SCN9A: variants seen among roughly 807,000 people sequenced by gnomAD.
SCN9A encodes sodium voltage-gated channel alpha subunit 9, also known as sodium channel protein type 9 subunit alpha.
In SCN9A, 131 loss-of-function variants were observed where a neutral mutation model predicts 187.0. The observed-to-expected ratio is 0.70, with a 90% CI of 0.61 to 0.81. SCN9A has a LOEUF of 0.81. Ranked by LOEUF, SCN9A falls within the 30% of genes least tolerant of loss-of-function variation. SCN9A has a pLI of 0.00. For synonymous variants in SCN9A, 809 were observed against 808.6 expected, an observed-to-expected ratio of 1.00 and a Z score of -0.01; for missense variants, 2,252 against 2,396.6, an observed-to-expected ratio of 0.94 and a Z score of 1.26.
chr2:166,203,296 T>C (rs1693632496), intron 26 of SCN9A, among the ~76,000 whole-genome samples: 1 of 151,746 alleles, frequency 6.6e-6, no homozygotes, highest in African/African-American at 2.4e-5. Context: ...TAAAAAGAAA[T>C]ACAATCCTAA....
intron 1 of SCN9A, among the ~76,000 whole-genome samples, chr2:166,318,563 G>A (rs920893432): frequency 2.0e-5 from 3 of 149,270 alleles, no homozygotes; most frequent in Non-Finnish European, 4.4e-5. Flanking sequence ...AGGAGACAGA[G>A]TATCTTTTAT....
chr2:166,226,504 A>T, intron 24 of SCN9A, 63 bp downstream of exon 24: 1 of 1,169,332 alleles, frequency 8.6e-7, no homozygotes. Context: ...ACTTTACATT[A>T]TCTTTTTTGG....
chr2:166,305,756 A>G (rs867988125), intron 5 of SCN9A, 36 bp downstream of exon 5: 19 of 1,612,908 alleles, frequency 1.2e-5, no homozygotes, highest in Non-Finnish European at 1.6e-5. Flanking sequence ...TGAGATTTTC[A>G]TAAATTTGCC....
intron 1 of SCN9A, among the ~76,000 whole-genome samples, chr2:166,323,900 G>C (rs2105251166): frequency 6.6e-6 from 1 of 151,440 alleles, no homozygotes; most frequent in Admixed American, 6.6e-5. Context: ...ATCTCTTGTA[G>C]AAAGCAAGTA....
rs182445511 is a variant in SCN9A at position 166,216,413 on chromosome 2, C to T, written c.4398+10154G>A. Among the ~76,000 whole-genome samples, 5 of 152,080 alleles carry T rather than the reference C, an allele frequency of 3.3e-5. No homozygotes were observed. In the East Asian group the frequency reaches 9.6e-4, roughly 29 times the overall value. ...TTAGGCAGGAAAAAGAAATAAAATA[C>T]ATCCATGTAAGAAAGCAAGAAATAA... On this transcript the variant is annotated intron_variant, in intron 24 of 26. Transcript: ENST00000642356.
At chr2:166,303,669 G>T (rs1156637691) in intron 6 of SCN9A, among the ~76,000 whole-genome samples, 1 of 152,044 alleles carries the variant, frequency 6.6e-6, no homozygotes, top group Non-Finnish European at 1.5e-5. Flanking sequence ...TTTCAATAAA[G>T]AAATGGTTTG....
In SCN9A at chr2:166,251,818, T is replaced by G; in HGVS notation, c.3419A>C (p.Glu1140Ala). 1.9e-6 allele frequency: 3 copies of G among 1,612,714 alleles called. No individual in the cohort carries two copies. The highest frequency in any genetic ancestry group is 2.5e-6 in the Non-Finnish European group (3 of 1,179,140). Residue 1140 changes from glutamate to alanine, a missense_variant, in exon 18 of 27, where the codon GAA becomes GCA. Glu to Ala is a moderately radical substitution (Grantham distance 107, BLOSUM62 -1). Transcript: ENST00000642356. ...GGAATTCATAGGTTCAGCCTCTGCT[T>G]CTTCTCCTTCTCCAGGCAAAGGGTT... ...VDNPLPGEGE[E>A]AEAEPMNSDE...
chr2:166,369,636 C>T (rs1235232860), intron 1 of SCN9A, among the ~76,000 whole-genome samples: 1 of 152,144 alleles, frequency 6.6e-6, no homozygotes, highest in Non-Finnish European at 1.5e-5. Flanking sequence ...ATGCAAAGAT[C>T]ATTTACAAAG....
At chr2:166,261,570 G>A (rs1574826269) in intron 17 of SCN9A, among the ~76,000 whole-genome samples, 1 of 152,014 alleles carries the variant, frequency 6.6e-6, no homozygotes, top group East Asian at 1.9e-4. Flanking sequence ...AGGACATGGA[G>A]GCCACGTGGA....
At chr2:166,321,215 A>ATTT (rs1559040563) in intron 1 of SCN9A, among the ~76,000 whole-genome samples, 1 of 152,194 alleles carries the variant, frequency 6.6e-6, no homozygotes, top group African/African-American at 2.4e-5. Context: ...ATTGGAAAGG[A>ATTT]TAAACATAAA....
intron 17 of SCN9A, among the ~76,000 whole-genome samples, chr2:166,263,287 C>T (rs139094077): frequency 7.8e-4 from 119 of 152,094 alleles, no homozygotes; most frequent in African/African-American, 2.8e-3. Context: ...ACAGATGTTA[C>T]GTTTCGTTCC....
chr2:166,265,446 T>G (rs372845563), intron 17 of SCN9A, among the ~76,000 whole-genome samples: 1 of 151,970 alleles, frequency 6.6e-6, no homozygotes, highest in Admixed American at 6.6e-5. Flanking sequence ...TGCATTTATT[T>G]ATTTACGATC....
Position 166,251,868 on chromosome 2 carries a change from G to A in SCN9A, c.3369C>T (p.Ser1123=), listed in dbSNP as rs201550276. The change falls in exon 18 of 27, where the codon AGC becomes AGT. Residue 1123 remains serine (S), a synonymous_variant. Coordinates refer to ENST00000642356, the MANE Select transcript of SCN9A (RefSeq NM_001365536.1). Reference sequence around the variant, plus strand: ...TATCAACTGTGCTGCACTCTGAGGAGCTTGACCGGTTTAATCTCTAGAAAG... The same window carrying A: ...TATCAACTGTGCTGCACTCTGAGGAACTTGACCGGTTTAATCTCTAGAAAG... ...EYSKVRLNRS[S]SSECSTVDNP... 1.2e-6 allele frequency: 2 copies of A among 1,612,350 alleles called. No individual in the cohort carries two copies. Among genetic ancestry groups the A allele is most frequent in the Non-Finnish European group, 1.7e-6 (2 of 1,178,964 alleles).
chr2:166,374,603 TAA>T (rs1700644626), intron 1 of SCN9A, among the ~76,000 whole-genome samples: 1 of 152,098 alleles, frequency 6.6e-6, no homozygotes, highest in East Asian at 1.9e-4. Flanking sequence ...GCAGTTTATA[TAA>T]AATAGGTTTA....
At chr2:166,223,495 A>C (rs1694713874) in intron 24 of SCN9A, among the ~76,000 whole-genome samples, 1 of 152,246 alleles carries the variant, frequency 6.6e-6, no homozygotes, top group Non-Finnish European at 1.5e-5. Flanking sequence ...ATATTGCATA[A>C]TTCCACTTCG....
chr2:166,265,206 C>A (rs115032219), intron 17 of SCN9A, among the ~76,000 whole-genome samples: 2 of 151,816 alleles, frequency 1.3e-5, no homozygotes, highest in Admixed American at 6.6e-5. Context: ...AATCTTTCCC[C>A]ACACCTCGCT....
intron 18 of SCN9A, among the ~76,000 whole-genome samples, chr2:166,244,685 C>T (rs909728611): frequency 6.6e-6 from 1 of 151,978 alleles, no homozygotes; most frequent in Non-Finnish European, 1.5e-5. Context: ...CTGTGCAACT[C>T]TTCTTTCTGG....
At position 166,228,566 on chromosome 2, in the gene SCN9A, A is replaced by C. The variant is rs576263637; in HGVS notation, c.4206+125T>G. The C allele has an allele frequency of 4.6e-3, 3,798 of 827,274 alleles. 27 individuals are homozygous for C. Among genetic ancestry groups the C allele is most frequent in the Non-Finnish European group, 5.6e-3 (3,233 of 577,054 alleles). 51.2% of individuals were successfully genotyped at this position (827,274 alleles called of 1,614,324 possible). On this transcript the variant is annotated intron_variant, in intron 22 of 26. Coordinates refer to ENST00000642356, the MANE Select transcript of SCN9A (RefSeq NM_001365536.1). ...GCCACTGCGCCCGGCCAAGACTGGC[A>C]CTGTTTTAAAAACCACACAGTATTT... is the stretch of plus-strand genomic sequence containing the variant.
chr2:166,277,716 T>C (rs1005751120), intron 15 of SCN9A: 2 of 217,048 alleles, frequency 9.2e-6, no homozygotes, highest in Non-Finnish European at 9.0e-6. Context: ...ATTAGAGGAA[T>C]GTGCTTTAAA....
Sources: allele counts gnomAD v4.1 joint callset (sites outside exome capture counted in the v4.1 genomes callset), GRCh38; gene constraint gnomAD v4.1.1; transcripts MANE v1.5; gene names NCBI Gene and HGNC (gene_info 2026-07-23, HGNC 2026-07-21).